UACA: variants seen among roughly 807,000 people sequenced by gnomAD.
UACA encodes the protein uveal autoantigen with coiled-coil domains and ankyrin repeats, also known as nuclear membrane binding protein.
UACA carries 112 observed loss-of-function variants against 160.5 expected under a neutral mutation model. The observed-to-expected ratio is 0.70, with a 90% CI of 0.60 to 0.82. The LOEUF (loss-of-function observed/expected upper bound fraction) is 0.82, where lower values mean the gene tolerates loss of function less well. UACA is among the 40% of genes least tolerant of loss of function. The pLI is 0.00. For synonymous variants in UACA, 557 were observed against 568.4 expected (o/e 0.98, Z 0.29); for missense variants, 1,574 against 1,614.6 (o/e 0.97, Z 0.43).
upstream of UACA, among the ~76,000 whole-genome samples, chr15:70,767,239 C>CAAAAAAAAAAAA (rs747903027): frequency 6.5e-5 from 3 of 46,482 alleles, no homozygotes; most frequent in Non-Finnish European, 1.2e-4. Context: ...GACTCCATCT[C>CAAAAAAAAAAAA]AAAAAAAAAA....
chr15:70,728,024 GACAC>G (rs1378886682), intron 1 of UACA, among the ~76,000 whole-genome samples: 3 of 152,058 alleles, frequency 2.0e-5, no homozygotes, highest in Non-Finnish European at 4.4e-5. Flanking sequence ...TACAAAAACA[GACAC>G]ACAGACTAAT....
chr15:70,672,046 T>C lies in UACA; in HGVS notation c.1132-45A>G, dbSNP rs376943780. The C allele has an allele frequency of 2.3e-5, 35 of 1,547,316 alleles. No homozygotes were observed. In the African/African-American group the frequency reaches 4.2e-4, roughly 19 times the overall value. ...ATATTTTAGGGTGAATGCTGCCTCATTTTGTTAAATTCTGTATCTATTTTA... is the reference window on the plus strand; with the variant it reads ...ATATTTTAGGGTGAATGCTGCCTCACTTTGTTAAATTCTGTATCTATTTTA... On this transcript the variant is annotated intron_variant, in intron 13 of 18. Coordinates refer to ENST00000322954, the MANE Select transcript of UACA (RefSeq NM_018003.4).
At chr15:70,745,290 C>G (rs1241984893) in intron 1 of UACA, among the ~76,000 whole-genome samples, 1 of 151,884 alleles carries the variant, frequency 6.6e-6, no homozygotes, top group African/African-American at 2.4e-5. Context: ...AAAAAATTAG[C>G]CGGGCGTGGT....
intron 1 of UACA, among the ~76,000 whole-genome samples, chr15:70,703,585 G>A (rs1326968582): frequency 6.6e-6 from 1 of 152,176 alleles, no homozygotes; most frequent in Non-Finnish European, 1.5e-5. Context: ...TTAGAACTCA[G>A]ACCTTGTCCT....
At chr15:70,657,748 G>A (rs1478639353) in intron 18 of UACA, among the ~76,000 whole-genome samples, 1 of 152,004 alleles carries the variant, frequency 6.6e-6, no homozygotes. Flanking sequence ...AAGGAAATCT[G>A]TTGTTGTTGC....
chr15:70,704,683 T>G (rs766632094), intron 1 of UACA, among the ~76,000 whole-genome samples: 6 of 152,318 alleles, frequency 3.9e-5, no homozygotes, highest in Middle Eastern at 3.4e-3. Context: ...ATGAATGATC[T>G]CAGCACCATG....
At chr15:70,725,018 G>A (rs1248672063) in intron 1 of UACA, among the ~76,000 whole-genome samples, 2 of 151,956 alleles carry the variant, frequency 1.3e-5, no homozygotes, top group African/African-American at 4.8e-5. Flanking sequence ...CTTAAGCAAA[G>A]GAGGTTAAGG....
intron 17 of UACA, 133 bp from the exon 18 acceptor site, chr15:70,660,349 C>A (rs764338408): frequency 6.2e-6 from 4 of 640,772 alleles, no homozygotes; most frequent in Non-Finnish European, 1.1e-5. Context: ...CAACAAACTA[C>A]CTTGGACCTA....
intron 16 of UACA, among the ~76,000 whole-genome samples, chr15:70,665,685 T>G (rs570924030): frequency 5.8e-4 from 89 of 152,300 alleles, no homozygotes; most frequent in Non-Finnish European, 1.2e-4. Flanking sequence ...TATTAATAAT[T>G]AACTCTTATA....
At chr15:70,750,630 G>A (rs1360319440) in intron 1 of UACA, among the ~76,000 whole-genome samples, 3 of 152,188 alleles carry the variant, frequency 2.0e-5, no homozygotes, top group African/African-American at 7.2e-5. Flanking sequence ...ACTTCAAGAG[G>A]CTGAGATGGG....
At chr15:70,661,926 A>AAGCATTCCCTTTGAAAACTGGC (rs1241497178) in intron 17 of UACA, among the ~76,000 whole-genome samples, 26 of 152,332 alleles carry the variant, frequency 1.7e-4, no homozygotes, top group African/African-American at 6.0e-4. Flanking sequence ...CAAAAACTGG[A>AAGCATTCCCTTTGAAAACTGGC]AGCATTCCCT....
At chr15:70,758,270 A>G (rs1173733212) in intron 1 of UACA, 3 of 152,222 alleles carry the variant, frequency 2.0e-5, no homozygotes, top group Non-Finnish European at 4.4e-5. Context: ...ATCAAAAACT[A>G]TAAAAGAAGG....
At chr15:70,703,085 A>G (rs1898421170) in intron 1 of UACA, 4 of 1,287,886 alleles carry the variant, frequency 3.1e-6, no homozygotes, top group Middle Eastern at 2.1e-4. Context: ...GACAAAGCAG[A>G]TAACTTCTCT....
chr15:70,763,183 C>A, intron 1 of UACA, 147 bp downstream of exon 1: 1 of 888,656 alleles, frequency 1.1e-6, no homozygotes. Context: ...CTGACGGAGT[C>A]TCCGGCCTCA....
At chr15:70,761,957 T>A (rs1356848269) in intron 1 of UACA, among the ~76,000 whole-genome samples, 1 of 152,170 alleles carries the variant, frequency 6.6e-6, no homozygotes, top group Non-Finnish European at 1.5e-5. Context: ...GTATCTTCTA[T>A]AAGGCTAAAA....
chr15:70,725,921 C>T (rs1031922963), intron 1 of UACA, among the ~76,000 whole-genome samples: 2 of 152,114 alleles, frequency 1.3e-5, no homozygotes, highest in Non-Finnish European at 2.9e-5. Flanking sequence ...CCCTAAATAT[C>T]CTGACTTGAT....
chr15:70,658,871 T>C (rs1167228809), intron 18 of UACA, among the ~76,000 whole-genome samples: 3 of 152,256 alleles, frequency 2.0e-5, no homozygotes, highest in African/African-American at 2.4e-5. Flanking sequence ...GTTAACTTTA[T>C]GATGCCAGAA....
At chr15:70,725,870 T>C (rs975103616) in intron 1 of UACA, among the ~76,000 whole-genome samples, 3 of 152,134 alleles carry the variant, frequency 2.0e-5, no homozygotes, top group Non-Finnish European at 4.4e-5. Context: ...ACCTGAAATG[T>C]ACCCAACACA....
At chr15:70,773,798 T>C in the UACA span, among the ~76,000 whole-genome samples, 1 of 152,208 alleles carries the variant, frequency 6.6e-6, no homozygotes. Context: ...TATTTTTCAG[T>C]CTTACAATTC....
Sources: allele counts gnomAD v4.1 joint callset (sites outside exome capture counted in the v4.1 genomes callset), GRCh38; gene constraint gnomAD v4.1.1; transcripts MANE v1.5; gene names NCBI Gene and HGNC (gene_info 2026-07-23, HGNC 2026-07-21).